The following DDX31 variants were observed in gnomAD, a reference collection of about 807,000 sequenced individuals.
DDX31 encodes ATP-dependent DNA helicase DDX31.
In DDX31, 70 loss-of-function variants were observed where a neutral mutation model predicts 91.3. That is an observed-to-expected ratio of 0.77 (90% CI 0.63 to 0.94). The LOEUF (loss-of-function observed/expected upper bound fraction) is 0.94, where lower values mean the gene tolerates loss of function less well. Among genes scored for constraint, DDX31 ranks in the 40% least tolerant of loss-of-function variants. DDX31 has a pLI of 0.00. For missense variants in DDX31, 902 were observed against 925.0 expected (o/e 0.98, Z 0.32); for synonymous variants, 362 against 350.6 (o/e 1.03, Z -0.36).
chr9:132,633,801 A>T (rs1832936339), intron 14 of DDX31, among the ~76,000 whole-genome samples: 1 of 152,194 alleles, frequency 6.6e-6, no homozygotes, highest in Admixed American at 6.5e-5. Context: ...GGCATAATTT[A>T]AAAAGATAAA....
intron 19 of DDX31, among the ~76,000 whole-genome samples, chr9:132,601,592 T>C (rs985291451): frequency 1.3e-5 from 2 of 152,224 alleles, no homozygotes; most frequent in Non-Finnish European, 2.9e-5. Flanking sequence ...ACAGACGTGA[T>C]TGCCCCATAC....
At chr9:132,659,820 A>C in intron 4 of DDX31, 40 bp from the exon 5 acceptor site, 1 of 1,595,220 alleles carries the variant, frequency 6.3e-7, no homozygotes, top group Non-Finnish European at 8.6e-7. Context: ...TACCTATATT[A>C]CCCAGTTACT....
intron 14 of DDX31, among the ~76,000 whole-genome samples, chr9:132,636,316 C>G (rs1463061160): frequency 2.6e-5 from 4 of 152,238 alleles, no homozygotes; most frequent in Admixed American, 2.6e-4. Context: ...TCTACACCAA[C>G]TACAGTTTAT....
intron 14 of DDX31, chr9:132,638,092 G>A: frequency 1.5e-6 from 2 of 1,294,188 alleles, no homozygotes; most frequent in East Asian, 3.2e-5. Flanking sequence ...AAATGCACGC[G>A]CCGGACAGCC....
chr9:132,631,821 C>T (rs564347041), intron 15 of DDX31, among the ~76,000 whole-genome samples: 1 of 152,276 alleles, frequency 6.6e-6, no homozygotes, highest in East Asian at 1.9e-4. Flanking sequence ...CTGCCACCTC[C>T]CTCTCGTGAA....
chr9:132,638,497 C>G (rs762809852), intron 14 of DDX31: 1 of 1,249,772 alleles, frequency 8.0e-7, no homozygotes, highest in Non-Finnish European at 1.1e-6. Flanking sequence ...CTACTTCCTA[C>G]TTAACTTGGC....
At chr9:132,668,426 C>T (rs10901196) in intron 1 of DDX31, among the ~76,000 whole-genome samples, 30,738 of 152,036 alleles carry the variant, frequency 0.2, 3,943 homozygotes, top group East Asian at 0.4. Flanking sequence ...CTGAAACAAA[C>T]GAACCTTCCT....
chr9:132,623,529 G>A (rs1210129701), intron 17 of DDX31, among the ~76,000 whole-genome samples: 1 of 137,212 alleles, frequency 7.3e-6, no homozygotes, highest in Non-Finnish European at 1.5e-5. Flanking sequence ...CTCCAGCCTG[G>A]CGATAGAGCG....
At chr9:132,662,157 A>C in intron 3 of DDX31, 104 bp downstream of exon 3, 1 of 1,146,762 alleles carries the variant, frequency 8.7e-7, no homozygotes, top group Non-Finnish European at 1.3e-6. Context: ...GAGCAGAAAC[A>C]AACACTCTCT....
At chr9:132,632,407 A>G (rs1832848863) in intron 14 of DDX31, among the ~76,000 whole-genome samples, 3 of 152,024 alleles carry the variant, frequency 2.0e-5, no homozygotes, top group African/African-American at 4.8e-5. Flanking sequence ...GGGAGTCACA[A>G]CACCCTTTGC....
At position 132,595,138 on chromosome 9, in the gene DDX31, G is replaced by GAA; in HGVS notation, c.1995-28_1995-27dup. 6.3e-7 allele frequency: 1 copy of GAA among 1,588,630 alleles called. No individual in the cohort carries two copies. The highest frequency in any genetic ancestry group is 8.6e-7 in the Non-Finnish European group (1 of 1,166,358). On this transcript the variant is annotated intron_variant, in intron 19 of 19. Transcript: ENST00000372159. This position sits in a 1 kb window ranked among gnomAD's most constrained non-coding sequence, Gnocchi z 4.6. ...CTGAAGAACAGTAACAGCAGAGAGGGAAAAGAAACTTTATTATTTTTCTTT... is the reference window on the plus strand; with the variant it reads ...CTGAAGAACAGTAACAGCAGAGAGGGAAAAAAGAAACTTTATTATTTTTCTTT...
intron 1 of DDX31, 143 bp downstream of exon 1, chr9:132,669,717 T>C: frequency 6.5e-7 from 1 of 1,533,084 alleles, no homozygotes; most frequent in East Asian, 2.4e-5. Flanking sequence ...TCGGCGCAAC[T>C]TGTCCCGAAG....
chr9:132,607,258 C>T (rs1589972234), intron 19 of DDX31, among the ~76,000 whole-genome samples: 1 of 152,210 alleles, frequency 6.6e-6, no homozygotes, highest in South Asian at 2.1e-4. Flanking sequence ...CTACTAGGTA[C>T]TAAGGGGTAA....
chr9:132,669,713 C>T, intron 1 of DDX31, 147 bp downstream of exon 1: 1 of 1,533,168 alleles, frequency 6.5e-7, no homozygotes, highest in Non-Finnish European at 8.7e-7. Flanking sequence ...TGTTTCGGCG[C>T]AACTTGTCCC....
In DDX31 at chr9:132,647,988, CAT is replaced by C. The variant is rs368564397; in HGVS notation, c.967+199_967+200del. 2.0e-4 allele frequency among the ~76,000 whole-genome samples: 30 copies of C among 152,250 alleles called. 1 individual carries two copies. In the South Asian group the frequency reaches 2.7e-3, roughly 14 times the overall value. The stretch of plus-strand genomic sequence containing the variant: ...CTCCCTTTCCCCATGCCCTGGGGAA[CAT>C]ATCTGTCTTGGATGACTTGCAGAGG... On this transcript the variant is annotated intron_variant, in intron 11 of 19. Transcript: ENST00000372159.
intron 9 of DDX31, among the ~76,000 whole-genome samples, chr9:132,649,791 C>T (rs1468153057): frequency 6.6e-6 from 1 of 152,196 alleles, no homozygotes; most frequent in African/African-American, 2.4e-5. Context: ...TCAACTGACA[C>T]CCATTACAAA....
At chr9:132,629,470 T>C (rs1001199115) in intron 16 of DDX31, among the ~76,000 whole-genome samples, 1 of 152,168 alleles carries the variant, frequency 6.6e-6, no homozygotes, top group African/African-American at 2.4e-5. Flanking sequence ...GCAGGTGTGG[T>C]GGGGACAGCC....
At chr9:132,618,737 T>A (rs1384080792) in intron 17 of DDX31, among the ~76,000 whole-genome samples, 1 of 152,198 alleles carries the variant, frequency 6.6e-6, no homozygotes, top group Non-Finnish European at 1.5e-5. Flanking sequence ...ACTTTGGAAT[T>A]TTCCAAGTCC....
intron 19 of DDX31, among the ~76,000 whole-genome samples, chr9:132,603,947 T>C (rs149912405): frequency 5.6e-4 from 85 of 152,132 alleles, no homozygotes; most frequent in African/African-American, 1.8e-3. Flanking sequence ...AAGCTGGTAA[T>C]TGCATGGTGT....
Sources: gnomAD v4.1 joint callset for allele counts (sites outside exome capture counted in the v4.1 genomes callset) on GRCh38, gnomAD v4.1.1 for gene constraint, Gnocchi (gnomAD v3.1) non-coding constraint, MANE v1.5 for transcripts, NCBI Gene and HGNC (gene_info 2026-07-23, HGNC 2026-07-21) for gene names.